Variants in SLC35F1 observed in about 807,000 individuals in gnomAD.
SLC35F1 encodes the protein solute carrier family 35 member F1.
A neutral mutation model predicts 48.7 loss-of-function variants in SLC35F1; 14 were observed. The observed-to-expected ratio is 0.29, with a 90% confidence interval of 0.19 to 0.45. The LOEUF (loss-of-function observed/expected upper bound fraction) is 0.45. SLC35F1 is among the 20% of genes least tolerant of loss of function. The probability of loss-of-function intolerance (pLI) is 1.00; values close to 1 mark genes in which losing one functional copy is unlikely to be tolerated. For synonymous variants in SLC35F1, 190 were observed against 202.2 expected (o/e 0.94, Z 0.51); for missense variants, 404 against 500.0 (o/e 0.81, Z 1.83).
At chr6:118,048,727 T>A (rs1457298041) in intron 1 of SLC35F1, among the ~76,000 whole-genome samples, 3 of 152,178 alleles carry the variant, frequency 2.0e-5, no homozygotes, top group Admixed American at 1.3e-4. Flanking sequence ...TACAAACAAA[T>A]GGAAGAACAT....
At chr6:118,247,135 T>G (rs1775517542) in intron 3 of SLC35F1, among the ~76,000 whole-genome samples, 1 of 152,234 alleles carries the variant, frequency 6.6e-6, no homozygotes, top group African/African-American at 2.4e-5. Flanking sequence ...AACCATCCCA[T>G]CTTCTTATAC....
At chr6:118,202,733 G>A (rs1456210809) in intron 2 of SLC35F1, among the ~76,000 whole-genome samples, 1 of 152,194 alleles carries the variant, frequency 6.6e-6, no homozygotes, top group African/African-American at 2.4e-5. Context: ...TACAATAGGT[G>A]ATTTCATGTA....
intron 1 of SLC35F1, among the ~76,000 whole-genome samples, chr6:117,939,455 T>G (rs1363987707): frequency 6.6e-6 from 1 of 152,232 alleles, no homozygotes; most frequent in African/African-American, 2.4e-5. Flanking sequence ...GATACTTTTA[T>G]GTTTAAACAG....
At chr6:117,997,794 C>A (rs1777018171) in intron 1 of SLC35F1, among the ~76,000 whole-genome samples, 2 of 152,184 alleles carry the variant, frequency 1.3e-5, no homozygotes, top group Non-Finnish European at 2.9e-5. Flanking sequence ...TGGAAAGGAA[C>A]AACCGGTACC....
chr6:117,996,805 A>C (rs188565071), intron 1 of SLC35F1, among the ~76,000 whole-genome samples: 2,721 of 152,356 alleles, frequency 0.018, 31 homozygotes, highest in East Asian at 0.032. Context: ...CAAAGTAGAT[A>C]AAACCACAAA....
At chr6:118,286,374 A>C (rs1776049270) in intron 7 of SLC35F1, among the ~76,000 whole-genome samples, 1 of 152,160 alleles carries the variant, frequency 6.6e-6, no homozygotes, top group Non-Finnish European at 1.5e-5. Context: ...TCCTGGAGCA[A>C]CAATAAGCTA....
intron 1 of SLC35F1, among the ~76,000 whole-genome samples, chr6:118,152,607 A>T (rs1774078376): frequency 6.6e-6 from 1 of 152,194 alleles, no homozygotes; most frequent in African/African-American, 2.4e-5. Context: ...TGGTCTCTCA[A>T]ACCTGAAGTA....
At chr6:118,031,095 G>T (rs1035803555) in intron 1 of SLC35F1, among the ~76,000 whole-genome samples, 1 of 152,022 alleles carries the variant, frequency 6.6e-6, no homozygotes, top group Non-Finnish European at 1.5e-5. Context: ...TGATACATTT[G>T]TTAAAATCAA....
chr6:118,202,282 G>A (rs918958997), intron 2 of SLC35F1, among the ~76,000 whole-genome samples: 2 of 151,898 alleles, frequency 1.3e-5, no homozygotes, highest in Non-Finnish European at 2.9e-5. Flanking sequence ...ATTGCTTGAG[G>A]CCAGGAGTTT....
chr6:117,983,734 C>T (rs1776812804), intron 1 of SLC35F1, among the ~76,000 whole-genome samples: 1 of 152,158 alleles, frequency 6.6e-6, no homozygotes, highest in African/African-American at 2.4e-5. Flanking sequence ...ATAATAAAAA[C>T]CCATTTGTGG....
chr6:118,217,553 G>A (rs1775091457), intron 2 of SLC35F1, among the ~76,000 whole-genome samples: 1 of 152,060 alleles, frequency 6.6e-6, no homozygotes, highest in African/African-American at 2.4e-5. Flanking sequence ...TAGTGGTGAT[G>A]GTTGCACAAC....
At chr6:117,998,075 G>C (rs577993085) in intron 1 of SLC35F1, among the ~76,000 whole-genome samples, 5 of 148,100 alleles carry the variant, frequency 3.4e-5, no homozygotes, top group Non-Finnish European at 7.4e-5. Flanking sequence ...AAAGGATGGA[G>C]GAAGATCTAC....
At chr6:118,159,924 T>G (rs1205414747) in intron 2 of SLC35F1, among the ~76,000 whole-genome samples, 2 of 152,210 alleles carry the variant, frequency 1.3e-5, no homozygotes, top group Admixed American at 1.3e-4. Context: ...CATAAAAACT[T>G]TAATAAGCAA....
intron 1 of SLC35F1, among the ~76,000 whole-genome samples, chr6:117,959,658 G>A (rs976042868): frequency 1.8e-4 from 27 of 152,174 alleles, no homozygotes; most frequent in Non-Finnish European, 4.4e-5. Context: ...AATAATGTGT[G>A]GATTAAGAAA....
rs186618174 is a variant in SLC35F1 at position 117,912,872 on chromosome 6, T to C, written c.173+4973T>C. On this transcript the variant is annotated intron_variant, in intron 1 of 7. Transcript: ENST00000360388. ...CAGGTAATTAACGTGTATTAAAATA[T>C]ACTTGTCTTTGTGTGATTTTCTTTG... 5.3e-5 allele frequency among the ~76,000 whole-genome samples: 8 copies of C among 152,338 alleles called. No homozygotes were observed. In the East Asian group the frequency reaches 1.3e-3, roughly 26 times the overall value.
chr6:118,245,195 C>T (rs1775491858), intron 3 of SLC35F1, among the ~76,000 whole-genome samples: 1 of 152,166 alleles, frequency 6.6e-6, no homozygotes, highest in Non-Finnish European at 1.5e-5. Context: ...TATAGTGAAC[C>T]TTCTTCCAAA....
chr6:118,040,528 G>A (rs1772198770), intron 1 of SLC35F1, among the ~76,000 whole-genome samples: 1 of 152,146 alleles, frequency 6.6e-6, no homozygotes, highest in Non-Finnish European at 1.5e-5. Context: ...AGGATAGCAT[G>A]AGTACCAAGC....
intron 1 of SLC35F1, among the ~76,000 whole-genome samples, chr6:117,989,498 C>T (rs1776890196): frequency 6.6e-6 from 1 of 152,150 alleles, no homozygotes; most frequent in Non-Finnish European, 1.5e-5. Context: ...CATTTTGAGG[C>T]AGCTTTATCT....
chr6:117,966,058 A>G (rs1299381103), intron 1 of SLC35F1, among the ~76,000 whole-genome samples: 3 of 151,142 alleles, frequency 2.0e-5, no homozygotes, highest in Non-Finnish European at 2.9e-5. Context: ...AAACCGACCA[A>G]TCAGCTCTCT....
Sources: allele counts gnomAD v4.1 joint callset (sites outside exome capture counted in the v4.1 genomes callset), GRCh38; gene constraint gnomAD v4.1.1; transcripts MANE v1.5; gene names NCBI Gene and HGNC (gene_info 2026-07-23, HGNC 2026-07-21).